The following ZDHHC17 variants were observed in gnomAD, a reference collection of about 807,000 sequenced individuals.
ZDHHC17 encodes zDHHC palmitoyltransferase 17.
ZDHHC17 carries 40 observed loss-of-function variants against 90.3 expected under a neutral mutation model. The observed-to-expected ratio is 0.44, with a 90% CI of 0.34 to 0.58. ZDHHC17 has a LOEUF of 0.58. Among genes scored for constraint, ZDHHC17 ranks in the 20% least tolerant of loss-of-function variants. The pLI, the probability that ZDHHC17 is intolerant of heterozygous loss-of-function variation, is 0.01. For missense variants in ZDHHC17, 614 were observed against 780.8 expected (o/e 0.79, Z 2.55); for synonymous variants, 235 against 252.4 (o/e 0.93, Z 0.65).
chr12:76,813,192 C>A, intron 5 of ZDHHC17: 4 of 268,354 alleles, frequency 1.5e-5, no homozygotes, highest in Admixed American at 5.2e-5. Flanking sequence ...TTAATTAGAC[C>A]TGAAATTTGG....
At chr12:76,843,267 G>A (rs1057143317) in intron 12 of ZDHHC17, among the ~76,000 whole-genome samples, 2 of 152,002 alleles carry the variant, frequency 1.3e-5, no homozygotes, top group East Asian at 3.9e-4. Context: ...AAGTAATAAA[G>A]TATTTCAGAT....
In ZDHHC17 at chr12:76,809,722, T is replaced by G; in HGVS notation, c.408T>G (p.His136Gln). Reference sequence around the variant, plus strand: ...TTCTTTTATGTTTTAGACAAGGCCATCTATCCATGGTTGTGCAACTAATGA... The same window carrying G: ...TTCTTTTATGTTTTAGACAAGGCCAGCTATCCATGGTTGTGCAACTAATGA... ...TPLHWATRQG[H>Q]LSMVVQLMKY... Residue 136 changes from histidine to glutamine, a missense_variant, in exon 5 of 17, where the codon CAT becomes CAG. Physicochemically the swap from His to Gln is conservative, Grantham distance 24. Transcript: ENST00000426126. The G allele has an allele frequency of 6.7e-7, 1 of 1,502,582 alleles. No homozygotes were observed. Among genetic ancestry groups the G allele is most frequent in the Non-Finnish European group, 8.9e-7 (1 of 1,128,216 alleles). 93.1% of individuals were successfully genotyped at this position (1,502,582 alleles called of 1,614,324 possible). A position where few individuals can be genotyped will look rare whatever the true frequency, so the allele number is the denominator to read the frequency against.
At chr12:76,848,209 C>T (rs183798266) in intron 14 of ZDHHC17, 24 bp from the exon 15 acceptor site, 22 of 1,612,076 alleles carry the variant, frequency 1.4e-5, no homozygotes, top group South Asian at 3.3e-5. Flanking sequence ...TGAGTAAATA[C>T]GAGTACTTCT....
chr12:76,777,695 C>T (rs1315495329), intron 1 of ZDHHC17, among the ~76,000 whole-genome samples: 1 of 152,084 alleles, frequency 6.6e-6, no homozygotes, highest in Non-Finnish European at 1.5e-5. Flanking sequence ...TTGGTATTGT[C>T]ACTTTGTTGT....
chr12:76,782,756 T>C (rs1952641372), intron 1 of ZDHHC17, among the ~76,000 whole-genome samples: 1 of 152,040 alleles, frequency 6.6e-6, no homozygotes, highest in Non-Finnish European at 1.5e-5. Context: ...ATTCAGGAAC[T>C]TTGCAATAGT....
chr12:76,781,574 T>G (rs1489815675), intron 1 of ZDHHC17: 2 of 453,596 alleles, frequency 4.4e-6, no homozygotes, highest in Admixed American at 4.8e-5. Context: ...TCCTCTCGTT[T>G]GCTGTCTCAT....
intron 1 of ZDHHC17, among the ~76,000 whole-genome samples, chr12:76,772,376 G>T (rs1952502569): frequency 1.3e-5 from 2 of 152,108 alleles, no homozygotes; most frequent in Admixed American, 1.3e-4. Flanking sequence ...CTCCCTGCCT[G>T]TACACATGCA....
rs191384639 is a variant in ZDHHC17, at chr12:76,817,572, G to A, written c.771+1553G>A. 8.2e-4 allele frequency among the ~76,000 whole-genome samples: 125 copies of A among 152,146 alleles called. 1 individual carries two copies. Among genetic ancestry groups the A allele is most frequent in the Admixed American group, 1.6e-3 (25 of 15,282 alleles). On this transcript the variant is annotated intron_variant, in intron 7 of 16. Coordinates refer to ENST00000426126, the MANE Select transcript of ZDHHC17 (RefSeq NM_015336.4). ...ACAGTTCTGGAGTTTGAAACTAGTA[G>A]TGTGTATTTTTAGAGCTTTTAAAAG...
intron 1 of ZDHHC17, among the ~76,000 whole-genome samples, chr12:76,765,530 A>G (rs1046752398): frequency 1.3e-5 from 2 of 152,214 alleles, no homozygotes; most frequent in Non-Finnish European, 2.9e-5. Context: ...AAGTGGTAAC[A>G]TTTTCAGAAC....
In ZDHHC17 at chr12:76,848,492, A is replaced by G. The variant is rs140890152; in HGVS notation, c.1665+102A>G. The G allele has an allele frequency of 3.7e-4, 448 of 1,209,334 alleles. No individual in the cohort carries two copies. In the East Asian group the frequency reaches 8.0e-3, roughly 21 times the overall value. The allele number at this position is 1,209,334 out of a possible 1,614,324, so 74.9% of individuals were successfully genotyped here. Reference sequence around the variant, plus strand: ...TCTTCCTAACCACTCCTGCTCTTCAAATATTCATTTTATTTTTCAATTTAG... The same window carrying G: ...TCTTCCTAACCACTCCTGCTCTTCAGATATTCATTTTATTTTTCAATTTAG... On this transcript the variant is annotated intron_variant, in intron 15 of 16. Coordinates refer to ENST00000426126, the MANE Select transcript of ZDHHC17 (RefSeq NM_015336.4).
At chr12:76,781,133 CAAAAAAA>C (rs33935444) in intron 1 of ZDHHC17, among the ~76,000 whole-genome samples, 1 of 92,390 alleles carries the variant, frequency 1.1e-5, no homozygotes, top group Non-Finnish European at 2.0e-5. Context: ...GACTCCGTCT[CAAAAAAA>C]AAAAAAAAAA....
chr12:76,846,831 A>AGC (rs1410108062), intron 14 of ZDHHC17, among the ~76,000 whole-genome samples, 152 bp downstream of exon 14: 2 of 152,272 alleles, frequency 1.3e-5, no homozygotes, highest in Non-Finnish European at 2.9e-5. Flanking sequence ...AAAAAGATAC[A>AGC]GCTCTATCAA....
chr12:76,849,705 G>T, intron 16 of ZDHHC17: 1 of 298,092 alleles, frequency 3.4e-6, no homozygotes, highest in East Asian at 7.3e-5. Flanking sequence ...TTTGTATTCA[G>T]TCTGGTGCTT....
At chr12:76,843,760 C>A (rs1953462679) in intron 12 of ZDHHC17, among the ~76,000 whole-genome samples, 1 of 152,046 alleles carries the variant, frequency 6.6e-6, no homozygotes, top group Non-Finnish European at 1.5e-5. Context: ...ACTAAATGCT[C>A]TTTTATACTT....
At chr12:76,804,761 G>A (rs991262829) in intron 2 of ZDHHC17, among the ~76,000 whole-genome samples, 1 of 152,148 alleles carries the variant, frequency 6.6e-6, no homozygotes, top group Non-Finnish European at 1.5e-5. Flanking sequence ...GAGATAAATT[G>A]CCTGCTGTAG....
Position 76,849,137 on chromosome 12 carries a change from A to C in ZDHHC17, c.1666-239A>C, listed in dbSNP as rs1238220474. Among the ~76,000 whole-genome samples the C allele has an allele frequency of 7.8e-3, 1,139 of 146,540 alleles. 21 individuals are homozygous for C. Among genetic ancestry groups the C allele is most frequent in the African/African-American group, 0.027 (1,077 of 39,390 alleles). On this transcript the variant is annotated intron_variant, in intron 15 of 16. Coordinates refer to ENST00000426126, the MANE Select transcript of ZDHHC17 (RefSeq NM_015336.4). ...TATCTCTAAAAAAAAAAAAAAAAAA[A>C]AAAACCCAACAAAAAAAAGAAAATT...
rs571061153 is a variant in ZDHHC17, at chr12:76,801,049, A to G, written c.197+3512A>G. 5.9e-5 allele frequency among the ~76,000 whole-genome samples: 9 copies of G among 151,484 alleles called. No homozygotes were observed. In the South Asian group the frequency reaches 1.9e-3, roughly 32 times the overall value. ...ATTTCAGGCATGCACCACCACGCCC[A>G]GCTAATTTTTGTATTTTTAGTAGAG... On this transcript the variant is annotated intron_variant, in intron 2 of 16. Transcript: ENST00000426126.
intron 8 of ZDHHC17, 108 bp from the exon 9 acceptor site, chr12:76,826,800 G>A (rs925063272): frequency 8.6e-7 from 1 of 1,157,482 alleles, no homozygotes; most frequent in African/African-American, 1.6e-5. Flanking sequence ...GCAAATTTGA[G>A]TGAATGAATT....
At chr12:76,823,745 T>C (rs542997210) in intron 8 of ZDHHC17, among the ~76,000 whole-genome samples, 1 of 152,340 alleles carries the variant, frequency 6.6e-6, no homozygotes, top group East Asian at 1.9e-4. Flanking sequence ...GAGTTTGGAC[T>C]TCTTTAATCA....
Sources: gnomAD v4.1 joint callset for allele counts (sites outside exome capture counted in the v4.1 genomes callset) on GRCh38, gnomAD v4.1.1 for gene constraint, MANE v1.5 for transcripts, NCBI Gene and HGNC (gene_info 2026-07-23, HGNC 2026-07-21) for gene names.